Variants in TFE3 observed in about 807,000 individuals in gnomAD.
TFE3 encodes transcription factor binding to IGHM enhancer 3.
A neutral mutation model predicts 35.0 loss-of-function variants in TFE3; 5 were observed. The observed-to-expected ratio is 0.14, with a 90% confidence interval of 0.07 to 0.30. The LOEUF (loss-of-function observed/expected upper bound fraction) is 0.30. Ranked by LOEUF, TFE3 falls within the 10% of genes least tolerant of loss-of-function variation. The pLI is 1.00. For missense variants in TFE3, 374 were observed against 496.6 expected (o/e 0.75, Z 2.35); for synonymous variants, 211 against 215.6 (o/e 0.98, Z 0.18).
rs782363556 is a variant in TFE3, at chrX:49,038,311, G to A, written c.666C>T (p.Pro222=). The change falls in exon 4 of 10, where the codon CCC becomes CCT. Residue 222 remains proline, a synonymous_variant. Coordinates refer to ENST00000315869, the MANE Select transcript of TFE3 (RefSeq NM_006521.6). ...GGGCAGGCAGTGGCTGGGCACTTGC[G>A]GGCCCCGGCGGTGGGGTGAGGGCCT... ...ASQALTPPPG[P]ASAQPLPAPE... 4.7e-5 allele frequency: 57 copies of A among 1,202,112 alleles called. No individual in the cohort carries two copies. In the East Asian group the frequency reaches 5.1e-4, roughly 11 times the overall value.
Position 49,039,158 on chromosome X carries a change from G to C in TFE3, c.483C>G (p.Gly161=). ...AISVVGVSAG[G]HTLSRPPPAQ... is the part of the protein sequence containing the mutation. The stretch of plus-strand genomic sequence containing the variant: ...CAGGGGGTGGACGGCTCAATGTGTG[G>C]CCCCCAGCAGAGACGCCAACCACAG... The change falls in exon 3 of 10, where the codon GGC becomes GGG. Residue 161 remains glycine, a synonymous_variant. Transcript: ENST00000315869. The C allele has an allele frequency of 8.4e-7, 1 of 1,197,105 alleles. No homozygotes were observed. The highest frequency in any genetic ancestry group is 1.7e-5 in the African/African-American group (1 of 57,263).
intron 8 of TFE3, among the ~76,000 whole-genome samples, chrX:49,033,091 C>T (rs1409465577): frequency 9.0e-5 from 10 of 111,066 alleles, no homozygotes; most frequent in Non-Finnish European, 1.9e-4. Flanking sequence ...GCATGAGCCA[C>T]CACACCCGGC....
chrX:49,031,797 C>T (rs1332132000), intron 8 of TFE3: 2 of 269,399 alleles, frequency 7.4e-6, no homozygotes, highest in Non-Finnish European at 1.3e-5. Flanking sequence ...TATGTCCCTC[C>T]GATTGATCTC....
Position 49,030,090 on chromosome X carries a change from G to A in TFE3, c.*68C>T. 1 of 1,101,579 alleles carries A rather than the reference G, an allele frequency of 9.1e-7. No homozygotes were observed. The highest frequency in any genetic ancestry group is 1.2e-6 in the Non-Finnish European group (1 of 814,362). The allele number at this position is 1,101,579 out of a possible 1,213,427, so 90.8% of individuals were successfully genotyped here. ...GTCTCATGGGAGGGTGGGGGAAAAG[G>A]CGGGGCCTCATCCTGACTGGTCCTC... On this transcript the variant is annotated 3_prime_UTR_variant, in exon 10 of 10. Coordinates refer to ENST00000315869, the MANE Select transcript of TFE3 (RefSeq NM_006521.6).
At chrX:49,037,943 T>G in intron 5 of TFE3, 67 bp downstream of exon 5, 5 of 982,868 alleles carry the variant, frequency 5.1e-6, no homozygotes, top group African/African-American at 1.9e-5. Flanking sequence ...ACAGCCAGAC[T>G]GAGTATGGTC....
intron 5 of TFE3, among the ~76,000 whole-genome samples, chrX:49,035,581 G>A (rs2064724871): frequency 1.9e-5 from 2 of 102,822 alleles, no homozygotes; most frequent in Non-Finnish European, 2.0e-5. Flanking sequence ...TAATTTTTTC[G>A]TATTTTTAGT....
intron 9 of TFE3, 118 bp from the exon 10 acceptor site, chrX:49,030,719 A>G: frequency 1.7e-6 from 1 of 600,316 alleles, no homozygotes; most frequent in Non-Finnish European, 2.6e-6. Flanking sequence ...TCTGCTACTC[A>G]CTAGTTCCAA....
In TFE3 at chrX:49,034,152, T is replaced by C. The variant is rs1277025733; in HGVS notation, c.985A>G (p.Ile329Val). 9.9e-6 allele frequency: 12 copies of C among 1,209,053 alleles called. No individual in the cohort carries two copies. The highest frequency in any genetic ancestry group is 4.5e-6 in the Non-Finnish European group (4 of 894,025). Residue 329 changes from isoleucine (I) to valine (V), a missense_variant, in exon 6 of 10, where the codon ATC becomes GTC. Physicochemically the swap from Ile to Val is conservative, Grantham distance 29. This residue lies in a region of TFE3 where 167 missense variants were observed against 297.2 expected (regional missense o/e 0.56). Coordinates refer to ENST00000315869, the MANE Select transcript of TFE3 (RefSeq NM_006521.6). ...SNSCPAELPNIKREISETEAK... is the reference protein window; with the variant it reads ...SNSCPAELPNVKREISETEAK... ...CACCTACCAGAGATCTCCCGTTTGATGTTGGGCAGCTCAGCTGGGCAGGAG... is the reference window on the plus strand; with the variant it reads ...CACCTACCAGAGATCTCCCGTTTGACGTTGGGCAGCTCAGCTGGGCAGGAG...
Position 49,034,255 on chromosome X carries a change from G to T in TFE3, c.886-4C>A. On this transcript the variant is annotated splice_region_variant and splice_polypyrimidine_tract_variant and intron_variant, in intron 5 of 9. Coordinates refer to ENST00000315869, the MANE Select transcript of TFE3 (RefSeq NM_006521.6). ...GCAGATTCCCTGACACAGGCAGCTG[G>T]GGGCAGAGAGGGCAGAGAACCACCA... 1 of 1,135,493 alleles carries T rather than the reference G, an allele frequency of 8.8e-7. No homozygotes were observed. The highest frequency in any genetic ancestry group is 1.2e-6 in the Non-Finnish European group (1 of 844,623). The allele number at this position is 1,135,493 out of a possible 1,213,427, so 93.6% of individuals were successfully genotyped here. A position where few individuals can be genotyped will look rare whatever the true frequency, so the allele number is the denominator to read the frequency against.
intron 1 of TFE3, 30 bp downstream of exon 1, chrX:49,043,081 C>T: frequency 9.1e-7 from 1 of 1,099,568 alleles, no homozygotes. Flanking sequence ...GAGCCCCAGT[C>T]GGCACTCCCA....
intron 9 of TFE3, 25 bp from the exon 10 acceptor site, chrX:49,030,626 A>G (rs1050863848): frequency 9.5e-6 from 11 of 1,152,154 alleles, no homozygotes; most frequent in South Asian, 1.9e-5. Flanking sequence ...GGTTGGGTGC[A>G]GGATAAGTAG....
rs1557073285 is a variant in TFE3, at chrX:49,029,689, A to G, written c.*469T>C. The G allele has an allele frequency of 7.0e-6, 3 of 430,371 alleles. No homozygotes were observed. In the African/African-American group the frequency reaches 7.1e-5, roughly 10 times the overall value. The allele number at this position is 430,371 out of a possible 1,213,427, so 35.5% of individuals were successfully genotyped here. A position where few individuals can be genotyped will look rare whatever the true frequency, so the allele number is the denominator to read the frequency against. On this transcript the variant is annotated 3_prime_UTR_variant, in exon 10 of 10. Coordinates refer to ENST00000315869, the MANE Select transcript of TFE3 (RefSeq NM_006521.6). ...TTAAACCCCCAGGGCTGGGACCTCC[A>G]TTACTTGACTCCTCTTCTGTGCCAG...
intron 5 of TFE3, among the ~76,000 whole-genome samples, chrX:49,037,252 G>A (rs1287025406): frequency 3.6e-5 from 4 of 111,683 alleles, no homozygotes; most frequent in Admixed American, 9.5e-5. Context: ...AGCCAAGATC[G>A]CACCGCTGCA....
Position 49,040,639 on chromosome X carries a change from G to A in TFE3, c.117-71C>T, listed in dbSNP as rs782531844. ...TATTCCCCAGCCCTCCCCTGAGACA[G>A]AGAAAGAGAGAGAGAGGGGGGGAGA... On this transcript the variant is annotated intron_variant, in intron 1 of 9. Coordinates refer to ENST00000315869, the MANE Select transcript of TFE3 (RefSeq NM_006521.6). The A allele has an allele frequency of 1.6e-5, 12 of 728,271 alleles. No individual in the cohort carries two copies. In the East Asian group the frequency reaches 2.3e-4, roughly 14 times the overall value. The allele number at this position is 728,271 out of a possible 1,213,427, so 60.0% of individuals were successfully genotyped here. A position where few individuals can be genotyped will look rare whatever the true frequency, so the allele number is the denominator to read the frequency against.
intron 4 of TFE3, 27 bp downstream of exon 4, chrX:49,038,170 G>A (rs2147776142): frequency 8.2e-7 from 1 of 1,212,199 alleles, no homozygotes; most frequent in South Asian, 1.8e-5. Context: ...GGGGAATGTG[G>A]GAGGAGGTTT....
In TFE3 at chrX:49,029,807, GA is replaced by G. The variant is rs782335625; in HGVS notation, c.*350del. On this transcript the variant is annotated 3_prime_UTR_variant, in exon 10 of 10. Transcript: ENST00000315869. ...GACCTGGCTAGGACAGTCCCTAGGG[GA>G]CAGGGTCGAGACCTCATCCTGTCTC... The G allele has an allele frequency of 2.3e-5, 11 of 475,832 alleles. No individual in the cohort carries two copies. The highest frequency in any genetic ancestry group is 3.5e-5 in the Non-Finnish European group (9 of 255,736). The allele number at this position is 475,832 out of a possible 1,213,427, so 39.2% of individuals were successfully genotyped here.
intron 5 of TFE3, among the ~76,000 whole-genome samples, chrX:49,036,234 G>A (rs1384336483): frequency 2.7e-5 from 3 of 109,156 alleles, no homozygotes; most frequent in Non-Finnish European, 5.7e-5. Context: ...TTGGGAGGCC[G>A]AGGCAGGTGG....
In TFE3 at chrX:49,029,057, G is replaced by A; in HGVS notation, c.*1101C>T. The A allele has an allele frequency of 5.7e-6, 1 of 174,256 alleles. No individual in the cohort carries two copies. Among genetic ancestry groups the A allele is most frequent in the Non-Finnish European group, 1.1e-5 (1 of 90,748 alleles). 14.4% of individuals were successfully genotyped at this position (174,256 alleles called of 1,213,427 possible). On this transcript the variant is annotated 3_prime_UTR_variant, in exon 10 of 10. Transcript: ENST00000315869. Reference sequence around the variant, plus strand: ...CCTCCAAGCTTCTGCCTTGCTGGGGGAAGGCTTCCAGTTTTTCCTGGGCTG... The same window carrying A: ...CCTCCAAGCTTCTGCCTTGCTGGGGAAAGGCTTCCAGTTTTTCCTGGGCTG...
intron 3 of TFE3, 53 bp downstream of exon 3, chrX:49,039,054 T>A: frequency 9.2e-7 from 1 of 1,091,225 alleles, no homozygotes; most frequent in Non-Finnish European, 1.2e-6. Context: ...GCTCCTAGGA[T>A]CACTCCTCAG....
Sources: allele counts gnomAD v4.1 joint callset (sites outside exome capture counted in the v4.1 genomes callset), GRCh38; gene constraint gnomAD v4.1.1; regional missense constraint gnomAD v4.1.1; transcripts MANE v1.5; gene names NCBI Gene and HGNC (gene_info 2026-07-23, HGNC 2026-07-21).